Variants in FAT3 observed in about 807,000 individuals in gnomAD.
FAT3 encodes the protein FAT atypical cadherin 3, also known as protocadherin Fat 3.
Under a neutral mutation model 310.2 loss-of-function variants are expected in FAT3, and 95 were observed. The ratio of observed to expected loss-of-function variants is 0.31; its 90% CI spans 0.26 to 0.36. The LOEUF is 0.36. Ranked by LOEUF, FAT3 falls within the 10% of genes least tolerant of loss-of-function variation. The pLI is 1.00. For synonymous variants in FAT3, 2,314 were observed against 2,192.9 expected (o/e 1.06, Z -1.54); for missense variants, 5,408 against 5,715.6 (o/e 0.95, Z 1.74).
At chr11:92,601,097 A>G (rs187123821) in intron 3 of FAT3, among the ~76,000 whole-genome samples, 13 of 152,194 alleles carry the variant, frequency 8.5e-5, no homozygotes, top group African/African-American at 2.4e-4. Flanking sequence ...TATAAGAGCA[A>G]CAAGAAGCCA....
intron 2 of FAT3, among the ~76,000 whole-genome samples, chr11:92,412,408 T>TTTC (rs1348018645): frequency 2.8e-5 from 4 of 142,786 alleles, no homozygotes; most frequent in African/African-American, 1.0e-4. Context: ...GCCTATTTTT[T>TTTC]TTTTTTTTTT....
In FAT3 at chr11:92,355,084, C is replaced by T. The variant is rs1200088321; in HGVS notation, c.2972C>T (p.Ala991Val). The T allele has an allele frequency of 1.2e-6, 2 of 1,613,580 alleles. No individual in the cohort carries two copies. The highest frequency in any genetic ancestry group is 2.2e-5 in the East Asian group (1 of 44,880). ...TTTGAAATAGATAAAGCAAGTGGTGCCATCCGCTTGAGCAAAGAGCTTGAT... is the reference window on the plus strand; with the variant it reads ...TTTGAAATAGATAAAGCAAGTGGTGTCATCCGCTTGAGCAAAGAGCTTGAT... ...GRFEIDKASGAIRLSKELDYE... is the reference protein window; with the variant it reads ...GRFEIDKASGVIRLSKELDYE... The change falls in exon 2 of 28, where the codon GCC (alanine) becomes GTC (valine). Residue 991 changes from alanine (A) to valine (V), a missense_variant. By Grantham distance (64) the Ala-to-Val change is moderately conservative (BLOSUM62 0). Transcript: ENST00000525166.
intron 1 of FAT3, among the ~76,000 whole-genome samples, chr11:92,320,447 T>C (rs1947585006): frequency 6.6e-6 from 1 of 152,092 alleles, no homozygotes; most frequent in Admixed American, 6.6e-5. Context: ...AAAAAAAAAT[T>C]ATAGGTAACA....
At chr11:92,764,048 T>C (rs1275963264) in intron 5 of FAT3, among the ~76,000 whole-genome samples, 6 of 152,170 alleles carry the variant, frequency 3.9e-5, no homozygotes, top group Non-Finnish European at 8.8e-5. Context: ...TTTATTTTTG[T>C]TTTGCTTTGG....
chr11:92,726,428 A>G (rs1419530859), intron 4 of FAT3, among the ~76,000 whole-genome samples: 2 of 152,180 alleles, frequency 1.3e-5, no homozygotes, highest in Non-Finnish European at 2.9e-5. Context: ...CAACCATAAC[A>G]ATGGGAACTG....
chr11:92,646,418 T>C (rs763779581), intron 3 of FAT3, among the ~76,000 whole-genome samples: 28 of 152,190 alleles, frequency 1.8e-4, no homozygotes, highest in Non-Finnish European at 3.5e-4. Flanking sequence ...CCATATTCTA[T>C]TGGTCAAGCA....
At chr11:92,603,365 G>A (rs1390692004) in intron 3 of FAT3, among the ~76,000 whole-genome samples, 1 of 152,192 alleles carries the variant, frequency 6.6e-6, no homozygotes, top group Non-Finnish European at 1.5e-5. Context: ...AAGCATAGAT[G>A]AGGGAAGAAT....
intron 1 of FAT3, among the ~76,000 whole-genome samples, chr11:92,234,196 T>C (rs535778910): frequency 5.9e-5 from 9 of 152,248 alleles, no homozygotes; most frequent in Non-Finnish European, 1.2e-4. Flanking sequence ...ATTATTTTTA[T>C]AAAGTAAATA....
chr11:92,296,233 G>A (rs1419572382), intron 1 of FAT3, among the ~76,000 whole-genome samples: 3 of 152,154 alleles, frequency 2.0e-5, no homozygotes, highest in African/African-American at 4.8e-5. Flanking sequence ...GTAGCTAAGA[G>A]TGTGTGGTTA....
chr11:92,742,733 G>T (rs890315793), intron 4 of FAT3, among the ~76,000 whole-genome samples: 1 of 152,272 alleles, frequency 6.6e-6, no homozygotes, highest in Non-Finnish European at 1.5e-5. Context: ...CTTGATGTTG[G>T]ACTTCCCAGG....
At chr11:92,655,021 C>T (rs1942529780) in intron 3 of FAT3, among the ~76,000 whole-genome samples, 1 of 152,132 alleles carries the variant, frequency 6.6e-6, no homozygotes, top group African/African-American at 2.4e-5. Context: ...ATGACCTCTT[C>T]CAGGTTTCTG....
chr11:92,566,416 G>C (rs1333328222), intron 3 of FAT3, among the ~76,000 whole-genome samples: 3 of 152,048 alleles, frequency 2.0e-5, no homozygotes, highest in African/African-American at 7.2e-5. Context: ...AACATTCCAT[G>C]CTCATGGGTA....
At chr11:92,251,236 T>C (rs1490645161) in intron 1 of FAT3, among the ~76,000 whole-genome samples, 4 of 152,186 alleles carry the variant, frequency 2.6e-5, no homozygotes, top group Non-Finnish European at 5.9e-5. Context: ...CTGTCATCCA[T>C]CTTTACAGAT....
At chr11:92,304,496 A>C (rs1364114251) in intron 1 of FAT3, among the ~76,000 whole-genome samples, 1 of 152,086 alleles carries the variant, frequency 6.6e-6, no homozygotes, top group Non-Finnish European at 1.5e-5. Flanking sequence ...TTCCTCTCAC[A>C]GAATCTCCTC....
In FAT3 at chr11:92,799,523, A is replaced by T. The variant is rs1004382799; in HGVS notation, c.6510A>T (p.Thr2170=). The T allele has an allele frequency of 1.2e-6, 2 of 1,613,634 alleles. No homozygotes were observed. Among genetic ancestry groups the T allele is most frequent in the African/African-American group, 2.7e-5 (2 of 74,896 alleles). ...AKDGGKPSLS[T]SVELPITIVN... ...ATGGCGGAAAACCTTCTTTGTCTAC[A>T]TCTGTGGAGCTTCCCATCACTATTG... The change falls in exon 10 of 28, where the codon ACA becomes ACT. Residue 2170 remains threonine (T), a synonymous_variant. Coordinates refer to ENST00000525166, the MANE Select transcript of FAT3 (RefSeq NM_001367949.2).
intron 3 of FAT3, among the ~76,000 whole-genome samples, chr11:92,607,244 T>C (rs1940343620): frequency 6.6e-6 from 1 of 151,842 alleles, no homozygotes; most frequent in Non-Finnish European, 1.5e-5. Context: ...ATTTCCCTTG[T>C]AGCCTCTCAT....
chr11:92,370,721 T>C (rs1455393913), intron 2 of FAT3, among the ~76,000 whole-genome samples: 1 of 152,194 alleles, frequency 6.6e-6, no homozygotes, highest in Non-Finnish European at 1.5e-5. Flanking sequence ...CCATCAGAAA[T>C]GGAGTGAGTT....
Position 92,416,383 on chromosome 11 carries a change from C to CA in FAT3, c.3292+60993dup, listed in dbSNP as rs60702258. 3.5e-3 allele frequency among the ~76,000 whole-genome samples: 374 copies of CA among 107,822 alleles called. 2 individuals carry two copies. Among genetic ancestry groups the CA allele is most frequent in the Admixed American group, 0.012 (117 of 9,450 alleles). The allele number at this position is 107,822 out of a possible 152,430, so 70.7% of individuals were successfully genotyped here. On this transcript the variant is annotated intron_variant, in intron 2 of 27. Transcript: ENST00000525166. The stretch of plus-strand genomic sequence containing the variant: ...TGGGCGACAGGGTGAGACTCCATCT[C>CA]AAAAAAAAAAAAAAGAAAGAAAGAA...
chr11:92,313,658 C>G (rs767502467), intron 1 of FAT3, among the ~76,000 whole-genome samples: 1 of 152,198 alleles, frequency 6.6e-6, no homozygotes, highest in East Asian at 1.9e-4. Flanking sequence ...CTCCTGGGTT[C>G]AAGCAGTTCT....
Sources: gnomAD v4.1 joint callset for allele counts (sites outside exome capture counted in the v4.1 genomes callset) on GRCh38, gnomAD v4.1.1 for gene constraint, MANE v1.5 for transcripts, NCBI Gene and HGNC (gene_info 2026-07-23, HGNC 2026-07-21) for gene names.